Variants in SIPA1L2 observed in about 807,000 individuals in gnomAD.
SIPA1L2 encodes signal-induced proliferation-associated 1-like protein 2.
SIPA1L2 carries 56 observed loss-of-function variants against 163.9 expected under a neutral mutation model. The ratio of observed to expected loss-of-function variants is 0.34; its 90% CI spans 0.28 to 0.43. SIPA1L2 has a LOEUF of 0.43. Among genes scored for constraint, SIPA1L2 ranks in the 20% least tolerant of loss-of-function variants. The pLI, the probability that SIPA1L2 is intolerant of heterozygous loss-of-function variation, is 1.00. For missense variants in SIPA1L2, 1,974 were observed against 2,193.5 expected, an observed-to-expected ratio of 0.90 and a Z score of 2.00; for synonymous variants, 877 against 865.7, an observed-to-expected ratio of 1.01 and a Z score of -0.23.
intron 3 of SIPA1L2, among the ~76,000 whole-genome samples, chr1:232,510,727 T>C (rs1281835795): frequency 1.3e-5 from 2 of 152,048 alleles, no homozygotes; most frequent in African/African-American, 2.4e-5. Flanking sequence ...CCTAAAATCA[T>C]CTCGGGGAAC....
chr1:232,603,801 C>T (rs542455211), intron 1 of SIPA1L2, among the ~76,000 whole-genome samples: 2 of 152,226 alleles, frequency 1.3e-5, no homozygotes, highest in South Asian at 4.2e-4. Flanking sequence ...ACACCAGCCA[C>T]ATCATTATAC....
At chr1:232,435,556 G>A (rs535138413) in intron 15 of SIPA1L2, among the ~76,000 whole-genome samples, 20 of 152,308 alleles carry the variant, frequency 1.3e-4, no homozygotes, top group African/African-American at 4.6e-4. Flanking sequence ...CAGGAGAAAG[G>A]TACGGTGGCA....
At chr1:232,610,068 T>C (rs1368585058) in intron 1 of SIPA1L2, among the ~76,000 whole-genome samples, 2 of 152,190 alleles carry the variant, frequency 1.3e-5, no homozygotes, top group African/African-American at 4.8e-5. Flanking sequence ...ACAAATGTAA[T>C]TCTTTAACAA....
intron 20 of SIPA1L2, 53 bp downstream of exon 20, chr1:232,404,072 T>C (rs1013468393): frequency 4.4e-6 from 7 of 1,599,138 alleles, no homozygotes; most frequent in African/African-American, 4.0e-5. Context: ...ACATGAAATA[T>C]ACAGAAAAGG....
chr1:232,537,444 C>T (rs1422543259), intron 2 of SIPA1L2, among the ~76,000 whole-genome samples: 1 of 151,776 alleles, frequency 6.6e-6, no homozygotes, highest in East Asian at 1.9e-4. Context: ...AGCAATACAT[C>T]GCTTTATAGT....
At chr1:232,558,053 G>C (rs544218009) in intron 2 of SIPA1L2, among the ~76,000 whole-genome samples, 1 of 152,206 alleles carries the variant, frequency 6.6e-6, no homozygotes, top group Non-Finnish European at 1.5e-5. Context: ...TAGCTGCATT[G>C]TTCAAACAGA....
At chr1:232,402,713 A>G (rs1017256401) in intron 21 of SIPA1L2, 1 of 319,016 alleles carries the variant, frequency 3.1e-6, no homozygotes, top group African/African-American at 2.1e-5. Flanking sequence ...TAGGAAAACA[A>G]AAGATATATT....
At chr1:232,429,032 C>T (rs555082094) in intron 16 of SIPA1L2, among the ~76,000 whole-genome samples, 5 of 152,266 alleles carry the variant, frequency 3.3e-5, no homozygotes, top group African/African-American at 7.2e-5. Context: ...TCAATTCACA[C>T]GTGTGCTAAG....
In SIPA1L2 at chr1:232,461,113, C is replaced by T. The variant is rs764860690; in HGVS notation, c.2869G>A (p.Gly957Arg). Reference sequence around the variant, plus strand: ...ACATGGAAGCCAAGCTGGCCCAGCCCGTTCCTCCTCAGGGTCATTTCCACA... The same window carrying T: ...ACATGGAAGCCAAGCTGGCCCAGCCTGTTCCTCCTCAGGGTCATTTCCACA... Reference protein sequence around the residue: ...ETVEMTLRRNGLGQLGFHVNF... With the variant: ...ETVEMTLRRNRLGQLGFHVNF... The change falls in exon 10 of 23, where the codon GGG (glycine) becomes AGG (arginine). Residue 957 changes from glycine to arginine, a missense_variant. Around this residue, in one of 3 missense-constraint regions of SIPA1L2, gnomAD observed 1,079 missense variants for 1,150.7 expected, o/e 0.94. Coordinates refer to ENST00000674635, the MANE Select transcript of SIPA1L2 (RefSeq NM_020808.5). 3 of 1,614,144 alleles carry T rather than the reference C, an allele frequency of 1.9e-6. No individual in the cohort carries two copies. The highest frequency in any genetic ancestry group is 1.1e-5 in the South Asian group (1 of 91,094).
chr1:232,515,050 G>C lies in SIPA1L2; in HGVS notation c.290C>G (p.Ala97Gly). 1 of 1,614,148 alleles carries C rather than the reference G, an allele frequency of 6.2e-7. No individual in the cohort carries two copies. Among genetic ancestry groups the C allele is most frequent in the Non-Finnish European group, 8.5e-7 (1 of 1,180,026 alleles). ...GGTCTGAGACCGGCTTTCCCACAGTGCCTTGCATGTTAGCTCCTTGGAACA... is the reference window on the plus strand; with the variant it reads ...GGTCTGAGACCGGCTTTCCCACAGTCCCTTGCATGTTAGCTCCTTGGAACA... Reference protein sequence around the residue: ...KDCSKELTCKALWESRSQTSY... With the variant: ...KDCSKELTCKGLWESRSQTSY... Residue 97 changes from alanine (A) to glycine (G), a missense_variant, in exon 3 of 23, where the codon GCA becomes GGA. Coordinates refer to ENST00000674635, the MANE Select transcript of SIPA1L2 (RefSeq NM_020808.5).
intron 1 of SIPA1L2, among the ~76,000 whole-genome samples, chr1:232,600,544 GA>G: frequency 6.6e-6 from 1 of 152,336 alleles, no homozygotes; most frequent in East Asian, 1.9e-4. Context: ...TGTTGTGTCT[GA>G]AACAGGCTTT....
intron 2 of SIPA1L2, among the ~76,000 whole-genome samples, chr1:232,518,000 T>C (rs1667290113): frequency 6.6e-6 from 1 of 152,154 alleles, no homozygotes; most frequent in Non-Finnish European, 1.5e-5. Context: ...TGAGCTATGA[T>C]CGCACCACTG....
intron 2 of SIPA1L2, among the ~76,000 whole-genome samples, chr1:232,530,902 C>T (rs1315195571): frequency 1.3e-5 from 2 of 152,154 alleles, no homozygotes; most frequent in African/African-American, 2.4e-5. Context: ...GAATGTAGTA[C>T]AATTTATTTA....
At chr1:232,523,835 CTG>C (rs72294622) in intron 2 of SIPA1L2, among the ~76,000 whole-genome samples, 2,592 of 152,310 alleles carry the variant, frequency 0.017, 82 homozygotes, top group African/African-American at 0.06. Context: ...TGTCCCATCA[CTG>C]TATTCTTTAT....
chr1:232,544,547 G>A (rs789642), intron 2 of SIPA1L2, among the ~76,000 whole-genome samples: 47,624 of 141,398 alleles, frequency 0.34, 8,311 homozygotes, highest in African/African-American at 0.48. Flanking sequence ...GCGACAGAGC[G>A]AGACTCCTGT....
At chr1:232,480,524 T>C (rs1020681476) in intron 6 of SIPA1L2, among the ~76,000 whole-genome samples, 2 of 152,180 alleles carry the variant, frequency 1.3e-5, no homozygotes, top group Non-Finnish European at 2.9e-5. Context: ...ATCTGTATTA[T>C]CAATAAGAGT....
At chr1:232,460,061 C>A (rs770369512) in intron 10 of SIPA1L2, among the ~76,000 whole-genome samples, 8 of 152,126 alleles carry the variant, frequency 5.3e-5, no homozygotes, top group African/African-American at 1.9e-4. Context: ...GCTGCCTGTA[C>A]GAACTCCATT....
At chr1:232,561,119 C>A (rs1028341269) in intron 2 of SIPA1L2, among the ~76,000 whole-genome samples, 2 of 152,202 alleles carry the variant, frequency 1.3e-5, no homozygotes. Context: ...ATACTGCAAT[C>A]TCCACGTCAA....
At chr1:232,460,739 A>C (rs1664189090) in intron 10 of SIPA1L2, 148 bp downstream of exon 10, 1 of 952,312 alleles carries the variant, frequency 1.1e-6, no homozygotes, top group Non-Finnish European at 1.5e-6. Flanking sequence ...ACATCCCAAC[A>C]ACATTGTACA....
Sources: allele counts gnomAD v4.1 joint callset (sites outside exome capture counted in the v4.1 genomes callset), GRCh38; gene constraint gnomAD v4.1.1; regional missense constraint gnomAD v4.1.1; transcripts MANE v1.5; gene names NCBI Gene and HGNC (gene_info 2026-07-23, HGNC 2026-07-21).